The following CHD5 variants were observed in gnomAD, a reference collection of about 807,000 sequenced individuals.
CHD5 encodes ATP-dependent chromatin remodeler CHD5.
In CHD5, 69 loss-of-function variants were observed where a neutral mutation model predicts 230.3. The observed-to-expected ratio is 0.30, with a 90% CI of 0.25 to 0.37. The LOEUF (loss-of-function observed/expected upper bound fraction) is 0.37, where lower values mean the gene tolerates loss of function less well. Ranked by LOEUF, CHD5 falls within the 10% of genes least tolerant of loss-of-function variation. CHD5 has a pLI of 1.00. For synonymous variants in CHD5, 1,064 were observed against 1,065.9 expected (o/e 1.00, Z 0.03); for missense variants, 1,827 against 2,622.8 (o/e 0.70, Z 6.63).
chr1:6,152,323 C>CTGAA (rs1667019049), intron 6 of CHD5, 89 bp downstream of exon 6: 3 of 1,473,674 alleles, frequency 2.0e-6, no homozygotes, highest in Non-Finnish European at 2.8e-6. Flanking sequence ...TTGTAATGAA[C>CTGAA]TGAAGGCCCT....
rs1666595091 is a variant in CHD5 at position 6,128,240 on chromosome 1, T to C, written c.3731-22A>G. On this transcript the variant is annotated intron_variant, in intron 24 of 41. Transcript: ENST00000262450. This position sits in a 1 kb window ranked among gnomAD's most constrained non-coding sequence, Gnocchi z 7.8. Reference sequence around the variant, plus strand: ...TCACCTGGGGAGCAGGCAAATGCAGTGTGAGGACAAAGACTGCCCTGGTCC... The same window carrying C: ...TCACCTGGGGAGCAGGCAAATGCAGCGTGAGGACAAAGACTGCCCTGGTCC... The C allele has an allele frequency of 1.9e-6, 3 of 1,611,844 alleles. No individual in the cohort carries two copies. In the Admixed American group the frequency reaches 5.0e-5, roughly 27 times the overall value.
rs1666647170 is a variant in CHD5 at position 6,130,971 on chromosome 1, G to A, written c.3263-643C>T. Reference sequence around the variant, plus strand: ...ACTTGCTATTCCTCCTGGCTCTCTGGCACAAGTGTTTGAGAGGAATCACTG... The same window carrying A: ...ACTTGCTATTCCTCCTGGCTCTCTGACACAAGTGTTTGAGAGGAATCACTG... On this transcript the variant is annotated intron_variant, in intron 21 of 41. Transcript: ENST00000262450. This position sits in a 1 kb window ranked among gnomAD's most constrained non-coding sequence, Gnocchi z 4.9. Among the ~76,000 whole-genome samples, 1 of 152,258 alleles carries A rather than the reference G, an allele frequency of 6.6e-6. No individual in the cohort carries two copies. Among genetic ancestry groups the A allele is most frequent in the Non-Finnish European group, 1.5e-5 (1 of 68,046 alleles).
Position 6,114,177 on chromosome 1 carries a change from C to T in CHD5, c.4913-1179G>A, listed in dbSNP as rs529694650. Among the ~76,000 whole-genome samples the T allele has an allele frequency of 2.2e-4, 34 of 151,486 alleles. No individual in the cohort carries two copies. In the East Asian group the frequency reaches 5.6e-3, roughly 25 times the overall value. On this transcript the variant is annotated intron_variant, in intron 33 of 41. Coordinates refer to ENST00000262450, the MANE Select transcript of CHD5 (RefSeq NM_015557.3). ...TTGAGGCAGGAGAATCGCTTGAACC[C>T]GGGAGGCAGAGGTTGCAGTGAGCCG...
At chr1:6,176,956 C>T (rs1296912582) in intron 1 of CHD5, among the ~76,000 whole-genome samples, 3 of 152,208 alleles carry the variant, frequency 2.0e-5, no homozygotes, top group Admixed American at 6.5e-5. Flanking sequence ...CTGCCTTCCT[C>T]CTAGAAGCTG....
chr1:6,174,549 T>G (rs564119250), intron 1 of CHD5, among the ~76,000 whole-genome samples: 1 of 138,928 alleles, frequency 7.2e-6, no homozygotes, highest in East Asian at 2.3e-4. Context: ...GGCAGATGGA[T>G]GGACACTGGA....
chr1:6,177,509 G>C (rs767902313), intron 1 of CHD5, among the ~76,000 whole-genome samples: 1 of 152,208 alleles, frequency 6.6e-6, no homozygotes, highest in Non-Finnish European at 1.5e-5. Flanking sequence ...ACAACGTTTC[G>C]AGTATGTGAG....
chr1:6,127,651 G>T (rs1175716301), intron 25 of CHD5, among the ~76,000 whole-genome samples: 1 of 152,200 alleles, frequency 6.6e-6, no homozygotes, highest in Non-Finnish European at 1.5e-5. Context: ...AGATCAGCTT[G>T]CACTTCAGAG....
At chr1:6,148,751 G>T in intron 9 of CHD5, 103 bp downstream of exon 9, 1 of 859,536 alleles carries the variant, frequency 1.2e-6, no homozygotes, top group Non-Finnish European at 1.6e-6. Context: ...GGCAGGAGCC[G>T]GCAGGGGCGG....
intron 3 of CHD5, among the ~76,000 whole-genome samples, chr1:6,158,201 G>T (rs137951096): frequency 1.3e-5 from 2 of 152,256 alleles, no homozygotes; most frequent in East Asian, 1.9e-4. Context: ...AGACTCCGGA[G>T]CACCTCAGCA....
chr1:6,128,520 T>G lies in CHD5; in HGVS notation c.3709A>C (p.Lys1237Gln), dbSNP rs753577746. The G allele has an allele frequency of 3.1e-6, 5 of 1,613,924 alleles. No homozygotes were observed. Among genetic ancestry groups the G allele is most frequent in the South Asian group, 2.2e-5 (2 of 91,084 alleles). ...GGNLAASAKK[K>Q]HGSTPPGDNK... The stretch of plus-strand genomic sequence containing the variant: ...CTACCTGGCGGGGTGCTACCGTGCT[T>G]CTTCTTTGCACTGGCGGCCAAGTTC... The change falls in exon 24 of 42, where the codon AAG becomes CAG. Residue 1237 changes from lysine (K) to glutamine (Q), a missense_variant. This residue lies in a region of CHD5 where 137 missense variants were observed against 272.7 expected (regional missense o/e 0.50). Coordinates refer to ENST00000262450, the MANE Select transcript of CHD5 (RefSeq NM_015557.3). This position sits in a 1 kb window ranked among gnomAD's most constrained non-coding sequence, Gnocchi z 7.8.
At chr1:6,160,753 C>T (rs1667164356) in intron 2 of CHD5, among the ~76,000 whole-genome samples, 1 of 152,266 alleles carries the variant, frequency 6.6e-6, no homozygotes, top group East Asian at 1.9e-4. Context: ...TTAGGCAGCT[C>T]TTAAGCTTGG....
At chr1:6,132,425 G>A (rs1365151139) in intron 20 of CHD5, among the ~76,000 whole-genome samples, 1 of 152,122 alleles carries the variant, frequency 6.6e-6, no homozygotes, top group Non-Finnish European at 1.5e-5. Context: ...GTGTCTACGG[G>A]TTCATTTATT....
intron 1 of CHD5, among the ~76,000 whole-genome samples, chr1:6,171,392 A>G (rs1039968644): frequency 4.6e-5 from 7 of 152,234 alleles, no homozygotes; most frequent in African/African-American, 1.7e-4. Context: ...GAACTGGCAC[A>G]CGGAGACGGG....
rs577594219 is a variant in CHD5, at chr1:6,107,084, G to A, written c.5579-305C>T. Among the ~76,000 whole-genome samples, 93 of 140,230 alleles carry A rather than the reference G, an allele frequency of 6.6e-4. 2 individuals carry two copies. Among genetic ancestry groups the A allele is most frequent in the Admixed American group, 1.8e-3 (25 of 14,278 alleles). 92.0% of individuals were successfully genotyped at this position (140,230 alleles called of 152,430 possible). ...AGCGATGGAAGGATGATGGAGGGGTGGAAGGACGGACGAATGGAGGGGTGG... is the reference window on the plus strand; with the variant it reads ...AGCGATGGAAGGATGATGGAGGGGTAGAAGGACGGACGAATGGAGGGGTGG... On this transcript the variant is annotated intron_variant, in intron 38 of 41. Transcript: ENST00000262450.
chr1:6,160,026 C>T (rs552576713), intron 2 of CHD5, among the ~76,000 whole-genome samples: 102 of 151,540 alleles, frequency 6.7e-4, no homozygotes, highest in Non-Finnish European at 1.2e-3. Flanking sequence ...GAAGAAAAGC[C>T]CCAGCCAGGG....
rs146666225 is a variant in CHD5 at position 6,177,908 on chromosome 1, C to A, written c.79+2037G>T. ...ACAAGGGTTTCAGAGGCGACTGGAG[C>A]CATGCGGGTCGGGATCTGACTTGGG... On this transcript the variant is annotated intron_variant, in intron 1 of 41. Transcript: ENST00000262450. Among the ~76,000 whole-genome samples, 1,384 of 152,236 alleles carry A rather than the reference C, an allele frequency of 9.1e-3. 90 individuals are homozygous for A. The highest frequency in any genetic ancestry group is 1.7e-3 in the Non-Finnish European group (118 of 68,022).
At position 6,106,697 on chromosome 1, in the gene CHD5, C is replaced by G. The variant is rs945993499; in HGVS notation, c.5661G>C (p.Pro1887=). 1.2e-6 allele frequency: 2 copies of G among 1,611,556 alleles called. No homozygotes were observed. Among genetic ancestry groups the G allele is most frequent in the South Asian group, 1.1e-5 (1 of 90,916 alleles). ...CCGACATCTGCAGCCGGGCGGCCAC[C>G]GGGGGGATGCGGGACAGCATGGATG... ...RLPSMLSRIP[P]VAARLQMSER... is the part of the protein sequence containing the mutation. The change falls in exon 39 of 42, where the codon CCG becomes CCC. Residue 1887 remains proline, a synonymous_variant. Transcript: ENST00000262450.
intron 2 of CHD5, among the ~76,000 whole-genome samples, chr1:6,163,141 C>G (rs1368317261): frequency 6.6e-6 from 1 of 152,224 alleles, no homozygotes; most frequent in Non-Finnish European, 1.5e-5. Flanking sequence ...CACAGACCCT[C>G]AGCACAGAAT....
chr1:6,106,280 C>T lies in CHD5; in HGVS notation c.5865G>A (p.Ter1955=), dbSNP rs751704406. 36 of 1,612,716 alleles carry T rather than the reference C, an allele frequency of 2.2e-5. No individual in the cohort carries two copies. Among genetic ancestry groups the T allele is most frequent in the Non-Finnish European group, 3.1e-5 (36 of 1,179,996 alleles). Residue 1955 remains the stop codon, a stop_retained_variant, in exon 41 of 42, where the codon TAG becomes TAA. Coordinates refer to ENST00000262450, the MANE Select transcript of CHD5 (RefSeq NM_015557.3). ...MPLGPYVTDI[*] ...CAACACAGGGAAGTCTCGAGGACGG[C>T]TAGATATCTGTCAAAAAAAGAGGAG...
Sources: gnomAD v4.1 joint callset for allele counts (sites outside exome capture counted in the v4.1 genomes callset) on GRCh38, gnomAD v4.1.1 for gene constraint, gnomAD v4.1.1 regional missense constraint, Gnocchi (gnomAD v3.1) non-coding constraint, MANE v1.5 for transcripts, NCBI Gene and HGNC (gene_info 2026-07-23, HGNC 2026-07-21) for gene names.